Variants in EPCAM observed in about 807,000 individuals in gnomAD.
EPCAM encodes adenocarcinoma-associated antigen.
EPCAM carries 39 observed loss-of-function variants against 40.0 expected under a neutral mutation model. The observed-to-expected ratio is 0.98, with a 90% CI of 0.76 to 1.27. The LOEUF is 1.27. Among genes scored for constraint, EPCAM ranks in the 50% most tolerant of loss-of-function variants. The pLI is 0.00. For synonymous variants in EPCAM, 168 were observed against 132.3 expected, an observed-to-expected ratio of 1.27 and a Z score of -1.85; for missense variants, 503 against 381.2, an observed-to-expected ratio of 1.32 and a Z score of -2.66.
At chr2:47,377,389 A>C (rs1671454723) in intron 5 of EPCAM, among the ~76,000 whole-genome samples, 1 of 151,984 alleles carries the variant, frequency 6.6e-6, no homozygotes, top group African/African-American at 2.4e-5. Context: ...GGCACATGTC[A>C]CCATGCCCAG....
intron 7 of EPCAM, among the ~76,000 whole-genome samples, chr2:47,384,250 C>G (rs563548363): frequency 4.0e-5 from 6 of 149,600 alleles, no homozygotes; most frequent in Admixed American, 2.0e-4. Context: ...ATTACAGGCG[C>G]CTGCCACCAC....
chr2:47,377,209 A>C, intron 5 of EPCAM, 132 bp downstream of exon 5: 1 of 737,564 alleles, frequency 1.4e-6, no homozygotes, highest in Non-Finnish European at 2.5e-6. Flanking sequence ...CTGGGTACTT[A>C]ATGTGAATTT....
rs72882770 is a variant in EPCAM, at chr2:47,373,521, A to C, written c.135A>C (p.Gln45His). The change falls in exon 2 of 9, where the codon CAA becomes CAC. Residue 45 changes from glutamine to histidine, a missense_variant. Transcript: ENST00000263735. ...ACTGCTTTGTGAATAATAATCGTCA[A>C]TGCCAGTGTACTTCAGTTGGTGCAC... ...AVNCFVNNNR[Q>H]CQCTSVGAQN... 6.2e-7 allele frequency: 1 copy of C among 1,613,962 alleles called. No homozygotes were observed. The highest frequency in any genetic ancestry group is 2.2e-5 in the East Asian group (1 of 44,874).
At chr2:47,375,213 C>T (rs1172272503) in intron 3 of EPCAM, 21 bp from the exon 4 acceptor site, 2 of 1,541,254 alleles carry the variant, frequency 1.3e-6, no homozygotes, top group Non-Finnish European at 9.0e-7. Flanking sequence ...AGTCAACTGA[C>T]ATTGTCTTTT....
At chr2:47,385,723 A>ACC (rs1330606318) in intron 8 of EPCAM, among the ~76,000 whole-genome samples, 1 of 97,648 alleles carries the variant, frequency 1.0e-5, no homozygotes, top group African/African-American at 7.4e-5. Context: ...TTTTTCACAT[A>ACC]TCTCAATTTT....
chr2:47,373,935 C>G lies in EPCAM; in HGVS notation c.312C>G (p.Leu104=). ...ATCCTGACTGCGATGAGAGCGGGCT[C>G]TTTAAGGCCAAGCAGTGCAACGGCA... The part of the protein sequence containing the change: ...LYDPDCDESG[L]FKAKQCNGTS... The change falls in exon 3 of 9, where the codon CTC becomes CTG. Residue 104 remains leucine (L), a synonymous_variant. Transcript: ENST00000263735. 6.2e-7 allele frequency: 1 copy of G among 1,614,064 alleles called. No homozygotes were observed. Among genetic ancestry groups the G allele is most frequent in the Non-Finnish European group, 8.5e-7 (1 of 1,180,006 alleles).
At chr2:47,379,616 G>C (rs752696672) in intron 6 of EPCAM, among the ~76,000 whole-genome samples, 153 bp from the exon 7 acceptor site, 6 of 152,170 alleles carry the variant, frequency 3.9e-5, no homozygotes, top group Middle Eastern at 3.2e-3. Flanking sequence ...GTAATAAACA[G>C]TTTTTTAAAG....
chr2:47,370,356 T>C (rs1671224878), intron 1 of EPCAM, among the ~76,000 whole-genome samples: 1 of 146,412 alleles, frequency 6.8e-6, no homozygotes, highest in African/African-American at 2.6e-5. Flanking sequence ...ACTGCAACTT[T>C]CGCCTCCCGG....
At chr2:47,376,486 C>T (rs1304105803) in intron 4 of EPCAM, among the ~76,000 whole-genome samples, 4 of 152,114 alleles carry the variant, frequency 2.6e-5, no homozygotes, top group Non-Finnish European at 5.9e-5. Flanking sequence ...TCTCGAACTC[C>T]CAACCTCAGG....
intron 6 of EPCAM, 51 bp from the exon 7 acceptor site, chr2:47,379,718 A>C (rs564616792): frequency 6.3e-7 from 1 of 1,599,348 alleles, no homozygotes; most frequent in Middle Eastern, 2.3e-4. Context: ...ATATGTGGCC[A>C]TGGTTGGTTT....
intron 1 of EPCAM, among the ~76,000 whole-genome samples, chr2:47,370,200 G>GT (rs1398316838): frequency 6.6e-6 from 1 of 152,202 alleles, no homozygotes; most frequent in African/African-American, 2.4e-5. Context: ...ACCGTAAAGA[G>GT]TAAAAACATA....
Position 47,369,388 on chromosome 2 carries a change from G to C in EPCAM, c.-118G>C, listed in dbSNP as rs1025227886. 4.1e-6 allele frequency: 5 copies of C among 1,207,016 alleles called. No homozygotes were observed. The African/African-American group carries it at 8.0e-5, about 19-fold the overall frequency. 74.8% of individuals were successfully genotyped at this position (1,207,016 alleles called of 1,614,324 possible). On this transcript the variant is annotated 5_prime_UTR_variant, in exon 1 of 9. Transcript: ENST00000263735. ...CCCTCGTCGCTGTCCTCCCGACGCG[G>C]ACCCGCGTGCCCCAGGCCTCGCGCT... is the stretch of plus-strand genomic sequence containing the variant.
intron 8 of EPCAM, 75 bp downstream of exon 8, chr2:47,385,285 C>G (rs1168537886): frequency 8.3e-7 from 1 of 1,198,378 alleles, no homozygotes; most frequent in Admixed American, 1.7e-5. Context: ...TTCCTACACA[C>G]TGATGCATTT....
At chr2:47,378,595 C>G (rs1033437371) in intron 5 of EPCAM, among the ~76,000 whole-genome samples, 2 of 152,160 alleles carry the variant, frequency 1.3e-5, no homozygotes, top group Non-Finnish European at 2.9e-5. Context: ...AGCCACTGCA[C>G]CCGGCCTTAC....
intron 1 of EPCAM, among the ~76,000 whole-genome samples, chr2:47,370,574 C>G (rs1178306374): frequency 6.7e-6 from 1 of 148,634 alleles, no homozygotes; most frequent in South Asian, 2.1e-4. Flanking sequence ...CGTGCCCGGC[C>G]TATTTTATTT....
At position 47,386,680 on chromosome 2, in the gene EPCAM, G is replaced by C; in HGVS notation, c.*67G>C. The C allele has an allele frequency of 8.3e-7, 1 of 1,210,826 alleles. No homozygotes were observed. Among genetic ancestry groups the C allele is most frequent in the South Asian group, 1.2e-5 (1 of 80,812 alleles). The allele number at this position is 1,210,826 out of a possible 1,614,324, so 75.0% of individuals were successfully genotyped here. ...GGACACAAATTACAAATGTGTGTGC[G>C]TGGGACGAAGACATCTTTGAAGGTC... is the stretch of plus-strand genomic sequence containing the variant. On this transcript the variant is annotated 3_prime_UTR_variant, in exon 9 of 9. Coordinates refer to ENST00000263735, the MANE Select transcript of EPCAM (RefSeq NM_002354.3).
In EPCAM at chr2:47,385,147, TTGTC is replaced by T. The variant is rs1671710365; in HGVS notation, c.859-17_859-14del. The T allele has an allele frequency of 6.2e-7, 1 of 1,602,698 alleles. No individual in the cohort carries two copies. The highest frequency in any genetic ancestry group is 1.3e-5 in the African/African-American group (1 of 74,760). On this transcript the variant is annotated splice_polypyrimidine_tract_variant and intron_variant, in intron 7 of 8. Transcript: ENST00000263735. ...TTGAATAGCAGTCCTAAAACAATAG[TTGTC>T]TTTCTTCCACTCAGGTTATTTCCAG...
chr2:47,371,035 A>G (rs1413789268), intron 1 of EPCAM, among the ~76,000 whole-genome samples: 1 of 151,812 alleles, frequency 6.6e-6, no homozygotes, highest in Non-Finnish European at 1.5e-5. Flanking sequence ...TGTAGAGACG[A>G]CATCTCACTA....
intron 1 of EPCAM, among the ~76,000 whole-genome samples, chr2:47,372,252 A>G (rs896393558): frequency 2.0e-5 from 3 of 152,202 alleles, no homozygotes; most frequent in East Asian, 3.8e-4. Flanking sequence ...CCCAAAGGAA[A>G]CATCCCTCAT....
Sources: allele counts gnomAD v4.1 joint callset (sites outside exome capture counted in the v4.1 genomes callset), GRCh38; gene constraint gnomAD v4.1.1; transcripts MANE v1.5; gene names NCBI Gene and HGNC (gene_info 2026-07-23, HGNC 2026-07-21).